Variants in WDR7 observed in about 807,000 individuals in gnomAD.
WDR7 encodes WD repeat domain 7.
WDR7 carries 46 observed loss-of-function variants against 169.4 expected under a neutral mutation model. That is an observed-to-expected ratio of 0.27 (90% CI 0.21 to 0.35). The LOEUF (loss-of-function observed/expected upper bound fraction) is 0.35, where lower values mean the gene tolerates loss of function less well. Ranked by LOEUF, WDR7 falls within the 10% of genes least tolerant of loss-of-function variation. The pLI, the probability that WDR7 is intolerant of heterozygous loss-of-function variation, is 1.00. For synonymous variants in WDR7, 612 were observed against 666.8 expected (o/e 0.92, Z 1.27); for missense variants, 1,534 against 1,859.3 (o/e 0.83, Z 3.22).
chr18:56,788,614 A>G (rs374756562), intron 19 of WDR7, among the ~76,000 whole-genome samples: 113 of 152,138 alleles, frequency 7.4e-4, no homozygotes, highest in Non-Finnish European at 1.3e-3. Flanking sequence ...CTACTTTCCT[A>G]TCTCCTTTGT....
rs556906585 is a variant in WDR7 at position 56,854,308 on chromosome 18, T to C, written c.3305-25636T>C. Reference sequence around the variant, plus strand: ...CTTCGAGTTAATTAATTTGCTAAAGTGGCTTACAGAACTTAGGGAAACACA... The same window carrying C: ...CTTCGAGTTAATTAATTTGCTAAAGCGGCTTACAGAACTTAGGGAAACACA... On this transcript the variant is annotated intron_variant, in intron 20 of 27. Coordinates refer to ENST00000254442, the MANE Select transcript of WDR7 (RefSeq NM_015285.3). Among the ~76,000 whole-genome samples, 155 of 152,358 alleles carry C rather than the reference T, an allele frequency of 1.0e-3. 1 individual carries two copies. The highest frequency in any genetic ancestry group is 3.5e-3 in the African/African-American group (147 of 41,590).
chr18:56,887,960 T>C (rs2046218354), intron 21 of WDR7, among the ~76,000 whole-genome samples: 1 of 152,212 alleles, frequency 6.6e-6, no homozygotes, highest in Non-Finnish European at 1.5e-5. Context: ...ATTGCTACCA[T>C]TAAATATTTA....
At chr18:56,952,266 T>G (rs2047194072) in intron 25 of WDR7, among the ~76,000 whole-genome samples, 1 of 152,194 alleles carries the variant, frequency 6.6e-6, no homozygotes, top group African/African-American at 2.4e-5. Context: ...AGCTGTGCAG[T>G]CTGGAGCACA....
chr18:56,879,284 A>G (rs2046071850), intron 20 of WDR7, among the ~76,000 whole-genome samples: 1 of 152,160 alleles, frequency 6.6e-6, no homozygotes, highest in South Asian at 2.1e-4. Flanking sequence ...CCTCAACAGC[A>G]CTGTAATGGT....
At chr18:56,790,141 G>A (rs2044461312) in intron 19 of WDR7, among the ~76,000 whole-genome samples, 1 of 152,210 alleles carries the variant, frequency 6.6e-6, no homozygotes, top group Non-Finnish European at 1.5e-5. Context: ...ACGTGTCTTT[G>A]TAATAGAACA....
Position 56,751,542 on chromosome 18 carries a change from T to A in WDR7, c.1990-5041T>A, listed in dbSNP as rs1353790258. 2.0e-5 allele frequency among the ~76,000 whole-genome samples: 3 copies of A among 152,220 alleles called. No individual in the cohort carries two copies. In the East Asian group the frequency reaches 5.8e-4, roughly 29 times the overall value. ...TTTTACCTAATGTTGTTATTACCTA[T>A]TCCTTCATACCCAGTGTCAGGTCTG... is the stretch of plus-strand genomic sequence containing the variant. On this transcript the variant is annotated intron_variant, in intron 14 of 27. Transcript: ENST00000254442.
chr18:56,665,917 G>A (rs2025010526), intron 1 of WDR7, among the ~76,000 whole-genome samples: 1 of 152,140 alleles, frequency 6.6e-6, no homozygotes, highest in Admixed American at 6.5e-5. Context: ...CCTGGGGGAA[G>A]TTCTGAAGAT....
intron 1 of WDR7, among the ~76,000 whole-genome samples, chr18:56,661,885 C>A (rs1204964603): frequency 2.0e-5 from 3 of 152,194 alleles, no homozygotes; most frequent in African/African-American, 7.2e-5. Flanking sequence ...CAAGCACACA[C>A]ACACACACAA....
At chr18:56,689,734 A>C (rs757127606) in intron 7 of WDR7, among the ~76,000 whole-genome samples, 1 of 152,012 alleles carries the variant, frequency 6.6e-6, no homozygotes, top group Non-Finnish European at 1.5e-5. Flanking sequence ...ATATTCCTAC[A>C]TTATTGGAAT....
chr18:56,667,924 T>G (rs1184159016), intron 1 of WDR7, among the ~76,000 whole-genome samples: 1 of 152,216 alleles, frequency 6.6e-6, no homozygotes, highest in Non-Finnish European at 1.5e-5. Flanking sequence ...AGTGTGCATC[T>G]TGTAACCAGG....
At position 56,718,077 on chromosome 18, in the gene WDR7, A is replaced by C. The variant is rs1282196283; in HGVS notation, c.1692A>C (p.Gln564His). ...MLASRHLFPI[Q>H]VIKWRPSDDY... The stretch of plus-strand genomic sequence containing the variant: ...CATCTCGTCACCTTTTTCCTATTCA[A>C]GTAATCAAATGGAGGCCTTCTGATG... The change falls in exon 13 of 28, where the codon CAA (glutamine) becomes CAC (histidine). Residue 564 changes from glutamine to histidine, a missense_variant. Transcript: ENST00000254442. 1.9e-6 allele frequency: 3 copies of C among 1,614,078 alleles called. No individual in the cohort carries two copies. The highest frequency in any genetic ancestry group is 2.5e-6 in the Non-Finnish European group (3 of 1,180,026).
At chr18:56,882,594 T>G (rs1186205699) in intron 21 of WDR7, among the ~76,000 whole-genome samples, 1 of 152,204 alleles carries the variant, frequency 6.6e-6, no homozygotes, top group Non-Finnish European at 1.5e-5. Flanking sequence ...TCAGAAATCT[T>G]AAATCCTTTA....
At chr18:57,004,292 C>T (rs2048024785) in intron 26 of WDR7, among the ~76,000 whole-genome samples, 1 of 152,108 alleles carries the variant, frequency 6.6e-6, no homozygotes, top group African/African-American at 2.4e-5. Context: ...ATATATTCCT[C>T]CTGTATATCC....
chr18:56,813,460 T>A (rs2044910452), intron 19 of WDR7, among the ~76,000 whole-genome samples: 1 of 125,668 alleles, frequency 8.0e-6, no homozygotes, highest in Admixed American at 7.3e-5. Context: ...TTCTTAGAGG[T>A]TTTTTTTTTC....
chr18:56,892,748 G>A (rs142345674), intron 21 of WDR7, among the ~76,000 whole-genome samples: 63 of 152,022 alleles, frequency 4.1e-4, no homozygotes, highest in African/African-American at 1.4e-3. Context: ...GTTAATGGTC[G>A]TTTCTTGACA....
chr18:56,720,154 A>G (rs769982798), intron 13 of WDR7, among the ~76,000 whole-genome samples: 2 of 152,194 alleles, frequency 1.3e-5, no homozygotes, highest in Non-Finnish European at 2.9e-5. Context: ...TTAAAATACT[A>G]TCAATATTAA....
At chr18:57,009,932 T>TA in intron 26 of WDR7, 1 of 985,434 alleles carries the variant, frequency 1.0e-6, no homozygotes, top group Non-Finnish European at 1.2e-6. Context: ...CCGTTAACCA[T>TA]AACCCAAATC....
chr18:56,707,643 T>C (rs987822661), intron 12 of WDR7, among the ~76,000 whole-genome samples: 1 of 152,132 alleles, frequency 6.6e-6, no homozygotes, highest in Non-Finnish European at 1.5e-5. Context: ...CAGTGGGGTA[T>C]TACACATGCA....
intron 20 of WDR7, among the ~76,000 whole-genome samples, chr18:56,855,456 A>G (rs1158787772): frequency 6.6e-6 from 1 of 152,140 alleles, no homozygotes; most frequent in Non-Finnish European, 1.5e-5. Flanking sequence ...ATCTTAAGAA[A>G]TTCTTCCTTA....
Sources: allele counts gnomAD v4.1 joint callset (sites outside exome capture counted in the v4.1 genomes callset), GRCh38; gene constraint gnomAD v4.1.1; transcripts MANE v1.5; gene names NCBI Gene and HGNC (gene_info 2026-07-23, HGNC 2026-07-21).